The following TANC1 variants were observed in gnomAD, a reference collection of about 807,000 sequenced individuals.
The protein encoded by TANC1 is tetratricopeptide repeat, ankyrin repeat and coiled-coil containing 1, also known as protein TANC1.
TANC1 carries 77 observed loss-of-function variants against 149.7 expected under a neutral mutation model. The ratio of observed to expected loss-of-function variants is 0.51; its 90% CI spans 0.43 to 0.62. The LOEUF is 0.62. Among genes scored for constraint, TANC1 ranks in the 20% least tolerant of loss-of-function variants. The pLI is 0.00. For missense variants in TANC1, 1,985 were observed against 2,321.8 expected (o/e 0.85, Z 2.98); for synonymous variants, 854 against 925.0 (o/e 0.92, Z 1.39).
In TANC1 at chr2:159,105,176, A is replaced by G. The variant is rs1339345783; in HGVS notation, c.259+7342A>G. 4.7e-5 allele frequency among the ~76,000 whole-genome samples: 7 copies of G among 150,224 alleles called. No individual in the cohort carries two copies. The East Asian group carries it at 1.4e-3, about 30-fold the overall frequency. ...CGCCTGGCTAATTTTTTGTATTTTT[A>G]GTAGAGACGGGGTTTCACCGTGTTA... On this transcript the variant is annotated intron_variant, in intron 4 of 26. Coordinates refer to ENST00000263635, the MANE Select transcript of TANC1 (RefSeq NM_033394.3).
At chr2:159,219,656 TA>T in intron 21 of TANC1, 35 bp from the exon 22 acceptor site, 1 of 1,613,202 alleles carries the variant, frequency 6.2e-7, no homozygotes, top group South Asian at 1.1e-5. Flanking sequence ...TGTCATCTCA[TA>T]ATGTTCATGT....
At chr2:159,051,909 A>C (rs1351610515) in intron 2 of TANC1, among the ~76,000 whole-genome samples, 1 of 152,156 alleles carries the variant, frequency 6.6e-6, no homozygotes, top group Non-Finnish European at 1.5e-5. Context: ...GTTACCCAGG[A>C]TCCATGAGAA....
chr2:159,208,047 A>G (rs573693035), intron 19 of TANC1, among the ~76,000 whole-genome samples: 111 of 152,324 alleles, frequency 7.3e-4, no homozygotes, highest in African/African-American at 2.5e-3. Flanking sequence ...GGCAGATGAT[A>G]TAACCCCTGT....
intron 3 of TANC1, among the ~76,000 whole-genome samples, chr2:159,094,330 T>C (rs1559246518): frequency 1.3e-5 from 2 of 152,216 alleles, no homozygotes; most frequent in Non-Finnish European, 2.9e-5. Context: ...TGTAATGTTC[T>C]GGGGCTGTGG....
At chr2:158,973,944 CCT>C (rs768424933) in intron 1 of TANC1, among the ~76,000 whole-genome samples, 2 of 152,140 alleles carry the variant, frequency 1.3e-5, no homozygotes, top group Non-Finnish European at 2.9e-5. Context: ...ATTACACTCC[CCT>C]CTCTCTGCCA....
chr2:159,214,360 A>G (rs1425722619), intron 19 of TANC1, among the ~76,000 whole-genome samples: 1 of 152,192 alleles, frequency 6.6e-6, no homozygotes, highest in Non-Finnish European at 1.5e-5. Context: ...AAGGTCATAC[A>G]TAGCAACTGG....
chr2:159,203,214 T>TC (rs1249023673), intron 19 of TANC1, among the ~76,000 whole-genome samples: 2 of 149,724 alleles, frequency 1.3e-5, no homozygotes. Flanking sequence ...CTTTTCTTTT[T>TC]TTTTTTTTTT....
chr2:159,178,307 T>A lies in TANC1; in HGVS notation c.1903-249T>A, dbSNP rs530256345. 2.6e-5 allele frequency among the ~76,000 whole-genome samples: 4 copies of A among 152,252 alleles called. No individual in the cohort carries two copies. In the South Asian group the frequency reaches 8.3e-4, roughly 31 times the overall value. ...TGCACAGGGCTCTTACTCTGCTTGCTAGGCTCAGGGTCCTTGGATGAGGGC... is the reference window on the plus strand; with the variant it reads ...TGCACAGGGCTCTTACTCTGCTTGCAAGGCTCAGGGTCCTTGGATGAGGGC... On this transcript the variant is annotated intron_variant, in intron 13 of 26. Coordinates refer to ENST00000263635, the MANE Select transcript of TANC1 (RefSeq NM_033394.3).
chr2:159,156,213 G>A (rs918998591), intron 7 of TANC1, among the ~76,000 whole-genome samples: 5 of 152,174 alleles, frequency 3.3e-5, no homozygotes, highest in Non-Finnish European at 7.3e-5. Flanking sequence ...ACTGTTTCAA[G>A]TCTGGGTTAA....
intron 17 of TANC1, 23 bp from the exon 18 acceptor site, chr2:159,196,585 C>G: frequency 6.3e-7 from 1 of 1,581,198 alleles, no homozygotes; most frequent in Non-Finnish European, 8.6e-7. Flanking sequence ...TCAGCTGTAA[C>G]CTTCCCCTAC....
chr2:159,219,980 GTGTGTGTGTGTGT>G lies in TANC1; in HGVS notation c.3678+114_3678+126del, dbSNP rs2059592402. 3.6e-5 allele frequency: 9 copies of G among 249,942 alleles called. No individual in the cohort carries two copies. In the East Asian group the frequency reaches 1.1e-3, roughly 30 times the overall value. 15.5% of individuals were successfully genotyped at this position (249,942 alleles called of 1,614,324 possible). On this transcript the variant is annotated intron_variant, in intron 22 of 26. Coordinates refer to ENST00000263635, the MANE Select transcript of TANC1 (RefSeq NM_033394.3). ...TTGTGTCTCAGTGTCATCAGAGAGT[GTGTGTGTGTGTGT>G]GTGTGTGTGTGTGTGTGTGTGTGTG...
chr2:159,215,839 C>T (rs1021037264), intron 19 of TANC1, among the ~76,000 whole-genome samples: 4 of 152,192 alleles, frequency 2.6e-5, no homozygotes, highest in Non-Finnish European at 5.9e-5. Flanking sequence ...TGTTTAGCCA[C>T]ATGGTGTTTA....
chr2:159,154,782 A>G (rs2053242428), intron 7 of TANC1, among the ~76,000 whole-genome samples: 1 of 152,186 alleles, frequency 6.6e-6, no homozygotes, highest in Non-Finnish European at 1.5e-5. Context: ...AATCATTGGC[A>G]TTACCTAGAA....
chr2:159,177,364 C>T (rs1227914174), intron 13 of TANC1, among the ~76,000 whole-genome samples: 1 of 152,018 alleles, frequency 6.6e-6, no homozygotes, highest in Non-Finnish European at 1.5e-5. Context: ...TAACCATTGA[C>T]TCCTTCTATA....
intron 2 of TANC1, among the ~76,000 whole-genome samples, chr2:159,009,178 AT>A (rs919973936): frequency 3.9e-5 from 6 of 152,202 alleles, no homozygotes; most frequent in African/African-American, 1.4e-4. Context: ...CCATAAAAAA[AT>A]AAAAATAATT....
chr2:159,011,563 TCTCA>T (rs2037770159), intron 2 of TANC1, among the ~76,000 whole-genome samples: 1 of 127,368 alleles, frequency 7.9e-6, no homozygotes, highest in Admixed American at 9.4e-5. Flanking sequence ...CAAGACAAGG[TCTCA>T]CTCTGTTGCC....
intron 19 of TANC1, among the ~76,000 whole-genome samples, chr2:159,203,209 C>CTTTTTTTTTTTT (rs56319016): frequency 9.8e-6 from 1 of 101,666 alleles, no homozygotes. Context: ...CTTTTCTTTT[C>CTTTTTTTTTTTT]TTTTTTTTTT....
intron 1 of TANC1, among the ~76,000 whole-genome samples, chr2:158,997,608 G>A (rs1038868547): frequency 6.6e-6 from 1 of 152,152 alleles, no homozygotes; most frequent in African/African-American, 2.4e-5. Flanking sequence ...AAGTGCTCAC[G>A]AAACAAAGGA....
chr2:159,191,502 C>G (rs1434762856), intron 16 of TANC1, among the ~76,000 whole-genome samples: 1 of 152,080 alleles, frequency 6.6e-6, no homozygotes, highest in African/African-American at 2.4e-5. Flanking sequence ...ATGAGGCCGG[C>G]CCTGCTTGGC....
Sources: allele counts gnomAD v4.1 joint callset (sites outside exome capture counted in the v4.1 genomes callset), GRCh38; gene constraint gnomAD v4.1.1; transcripts MANE v1.5; gene names NCBI Gene and HGNC (gene_info 2026-07-23, HGNC 2026-07-21).